UBE3B: variants seen among roughly 807,000 people sequenced by gnomAD.
UBE3B encodes ubiquitin protein ligase E3B.
A neutral mutation model predicts 132.3 loss-of-function variants in UBE3B; 80 were observed. That is an observed-to-expected ratio of 0.60 (90% CI 0.50 to 0.73). The LOEUF is 0.73. Among genes scored for constraint, UBE3B ranks in the 30% least tolerant of loss-of-function variants. UBE3B has a pLI of 0.00. For missense variants in UBE3B, 1,196 were observed against 1,362.5 expected, an observed-to-expected ratio of 0.88 and a Z score of 1.92; for synonymous variants, 487 against 520.4, an observed-to-expected ratio of 0.94 and a Z score of 0.87.
rs1883400808 is a variant in UBE3B, at chr12:109,536,008, C to T, written c.*1226C>T. Reference sequence around the variant, plus strand: ...CCAAGGTTGATGCCGGATTCGAAGCCAGGAAGGCCCAGTCCCTCCTCTGCT... The same window carrying T: ...CCAAGGTTGATGCCGGATTCGAAGCTAGGAAGGCCCAGTCCCTCCTCTGCT... On this transcript the variant is annotated 3_prime_UTR_variant, in exon 28 of 28. Transcript: ENST00000342494. 1.3e-5 allele frequency: 2 copies of T among 152,240 alleles called. No individual in the cohort carries two copies. The highest frequency in any genetic ancestry group is 1.3e-4 in the Admixed American group (2 of 15,282). The allele number at this position is 152,240 out of a possible 1,614,324, so 9.4% of individuals were successfully genotyped here. A position where few individuals can be genotyped will look rare whatever the true frequency, so the allele number is the denominator to read the frequency against.
At chr12:109,525,456 AG>A (rs1007531695) in intron 23 of UBE3B, among the ~76,000 whole-genome samples, 5 of 152,208 alleles carry the variant, frequency 3.3e-5, no homozygotes, top group Non-Finnish European at 5.9e-5. Context: ...CTGATTCTTA[AG>A]GGCCCTTTCA....
At chr12:109,499,597 TCTGGGCCCATCACA>T in intron 11 of UBE3B, 22 bp from the exon 12 acceptor site, 1 of 1,526,892 alleles carries the variant, frequency 6.5e-7, no homozygotes, top group East Asian at 2.5e-5. Flanking sequence ...AAAATGTTTG[TCTGGGCCCATCACA>T]CTCAGCCTTC....
the UBE3B span, among the ~76,000 whole-genome samples, chr12:109,546,323 T>G: frequency 1.3e-5 from 2 of 152,218 alleles, no homozygotes; most frequent in Admixed American, 1.3e-4. Flanking sequence ...ACTGCCCACC[T>G]GCACCAAACC....
chr12:109,490,436 A>G, intron 8 of UBE3B: 11 of 1,533,994 alleles, frequency 7.2e-6, no homozygotes, highest in South Asian at 2.4e-5. Flanking sequence ...TAAAGGTACA[A>G]TGGAAGTCTT....
In UBE3B at chr12:109,495,518, C is replaced by T. The variant is rs138500097; in HGVS notation, c.714-2300C>T. On this transcript the variant is annotated intron_variant, in intron 9 of 27. Transcript: ENST00000342494. The stretch of plus-strand genomic sequence containing the variant: ...CTTGGTCGGGGAGACCCTAACCCAG[C>T]GGCACTAGAGGAATTAAAGACACAC... Among the ~76,000 whole-genome samples, 939 of 152,228 alleles carry T rather than the reference C, an allele frequency of 6.2e-3. 15 individuals carry two copies. Among genetic ancestry groups the T allele is most frequent in the African/African-American group, 0.02 (842 of 41,500 alleles).
At position 109,516,822 on chromosome 12, in the gene UBE3B, G is replaced by C. The variant is rs1275552442; in HGVS notation, c.2014G>C (p.Glu672Gln). 1 of 1,613,990 alleles carries C rather than the reference G, an allele frequency of 6.2e-7. No individual in the cohort carries two copies. Residue 672 changes from glutamate (E) to glutamine (Q), a missense_variant, in exon 19 of 28, where the codon GAA becomes CAA. Coordinates refer to ENST00000342494, the MANE Select transcript of UBE3B (RefSeq NM_130466.4). Reference sequence around the variant, plus strand: ...GGAGAAGGAGAAACTGGGGCTGGTGGAAACCAGCTCTGCCTCCCCGCATGT... The same window carrying C: ...GGAGAAGGAGAAACTGGGGCTGGTGCAAACCAGCTCTGCCTCCCCGCATGT... ...TKEKEKLGLV[E>Q]TSSASPHVTH...
chr12:109,486,422 A>G (rs1183390701), intron 5 of UBE3B, 49 bp from the exon 6 acceptor site: 6 of 1,448,266 alleles, frequency 4.1e-6, no homozygotes, highest in Admixed American at 1.9e-5. Context: ...AGCACAAGTG[A>G]TATGATCTCT....
In UBE3B at chr12:109,534,071, T is replaced by C; in HGVS notation, c.3015+513T>C. The C allele has an allele frequency of 1.5e-6, 2 of 1,294,592 alleles. No homozygotes were observed. Among genetic ancestry groups the C allele is most frequent in the Non-Finnish European group, 2.0e-6 (2 of 992,756 alleles). 80.2% of individuals were successfully genotyped at this position (1,294,592 alleles called of 1,614,324 possible). The stretch of plus-strand genomic sequence containing the variant: ...ACTGTGGGTGCTCAAATGAGAGTCC[T>C]ACTCCCCATAAAAACCCAGTGGCCG... On this transcript the variant is annotated intron_variant, in intron 27 of 27. Coordinates refer to ENST00000342494, the MANE Select transcript of UBE3B (RefSeq NM_130466.4). The surrounding 1 kb of genome is among the most constrained non-coding windows in gnomAD (Gnocchi z 5.2).
rs1364579566 is a variant in UBE3B, at chr12:109,491,062, C to A, written c.648C>A (p.Gly216=). ...YSVLQILLTR[G]LARPRPCLSK... is the part of the protein sequence containing the mutation. Reference sequence around the variant, plus strand: ...CTTTTCAGATATTGTTAACCCGTGGCCTGGCAAGACCCCGTCCTTGTCTAT... The same window carrying A: ...CTTTTCAGATATTGTTAACCCGTGGACTGGCAAGACCCCGTCCTTGTCTAT... Residue 216 remains glycine (G), a synonymous_variant, in exon 9 of 28, where the codon GGC becomes GGA. Transcript: ENST00000342494. 6 of 1,613,748 alleles carry A rather than the reference C, an allele frequency of 3.7e-6. No homozygotes were observed. The highest frequency in any genetic ancestry group is 5.1e-6 in the Non-Finnish European group (6 of 1,179,748).
At chr12:109,508,340 TC>T (rs2135973274) in intron 15 of UBE3B, 1 of 218,870 alleles carries the variant, frequency 4.6e-6, no homozygotes, top group Non-Finnish European at 7.8e-6. Flanking sequence ...AGTCTCTATT[TC>T]CTCATTAGAA....
At chr12:109,543,957 G>A in the UBE3B span, among the ~76,000 whole-genome samples, 1 of 152,112 alleles carries the variant, frequency 6.6e-6, no homozygotes, top group Non-Finnish European at 1.5e-5. Flanking sequence ...TGTAGACGAT[G>A]GGCCACCCGA....
intron 1 of UBE3B, among the ~76,000 whole-genome samples, chr12:109,480,000 G>A (rs1198013296): frequency 1.3e-5 from 2 of 152,140 alleles, no homozygotes; most frequent in African/African-American, 2.4e-5. Context: ...TTGCAGTCCT[G>A]AGGAGCTTGA....
At chr12:109,491,208 T>C in intron 9 of UBE3B, 81 bp downstream of exon 9, 1 of 1,367,838 alleles carries the variant, frequency 7.3e-7, no homozygotes, top group Non-Finnish European at 1.0e-6. Context: ...TCGTTACTGG[T>C]ATTAGGTATA....
intron 8 of UBE3B, chr12:109,490,468 C>G (rs964129323): frequency 4.0e-5 from 62 of 1,535,218 alleles, no homozygotes; most frequent in Non-Finnish European, 5.1e-5. Flanking sequence ...GTAATGTTGA[C>G]TTTGCCCTTC....
chr12:109,496,200 G>A (rs1020045191), intron 9 of UBE3B, among the ~76,000 whole-genome samples: 2 of 152,128 alleles, frequency 1.3e-5, no homozygotes, highest in Admixed American at 1.3e-4. Flanking sequence ...TTTTCACTTT[G>A]CGTAATATAA....
chr12:109,538,314 A>G (rs191437839), downstream of UBE3B, among the ~76,000 whole-genome samples: 3 of 152,312 alleles, frequency 2.0e-5, no homozygotes, highest in Non-Finnish European at 4.4e-5. The surrounding 1 kb of genome is among the most constrained non-coding windows in gnomAD (Gnocchi z 4.1). Flanking sequence ...TCTCCTGGAA[A>G]CTTATCAAAT....
chr12:109,539,624 T>C (rs937671263), downstream of UBE3B, among the ~76,000 whole-genome samples: 1 of 152,226 alleles, frequency 6.6e-6, no homozygotes, highest in South Asian at 2.1e-4. Context: ...GTCTGTGCCA[T>C]CTATGAGCCA....
At chr12:109,498,037 T>G in intron 10 of UBE3B, 114 bp downstream of exon 10, 1 of 1,348,934 alleles carries the variant, frequency 7.4e-7, no homozygotes, top group South Asian at 1.2e-5. Context: ...CTTTAATTGT[T>G]CTTTGGGACC....
At chr12:109,509,485 A>C (rs1243197348) in intron 15 of UBE3B, 111 bp from the exon 16 acceptor site, 2 of 669,138 alleles carry the variant, frequency 3.0e-6, no homozygotes, top group Non-Finnish European at 5.1e-6. Flanking sequence ...GTATCTCTAC[A>C]AGATAAAGCT....
Sources: gnomAD v4.1 joint callset for allele counts (sites outside exome capture counted in the v4.1 genomes callset) on GRCh38, gnomAD v4.1.1 for gene constraint, Gnocchi (gnomAD v3.1) non-coding constraint, MANE v1.5 for transcripts, NCBI Gene and HGNC (gene_info 2026-07-23, HGNC 2026-07-21) for gene names.